Variants in C2CD3 observed in about 807,000 individuals in gnomAD.
C2CD3 encodes C2 domain-containing protein 3.
Under a neutral mutation model 234.0 loss-of-function variants are expected in C2CD3, and 148 were observed. The observed-to-expected ratio is 0.63, with a 90% CI of 0.55 to 0.72. The LOEUF (loss-of-function observed/expected upper bound fraction) is 0.72. Ranked by LOEUF, C2CD3 falls within the 30% of genes least tolerant of loss-of-function variation. C2CD3 has a pLI of 0.00. For missense variants in C2CD3, 2,577 were observed against 2,811.5 expected (o/e 0.92, Z 1.89); for synonymous variants, 1,000 against 1,035.4 (o/e 0.97, Z 0.66).
At chr11:74,057,009 AC>A (rs78606047) in intron 25 of C2CD3, among the ~76,000 whole-genome samples, 3,606 of 145,972 alleles carry the variant, frequency 0.025, 99 homozygotes, top group East Asian at 0.12. Context: ...CTCCAATGCC[AC>A]CCCTCCCCTC....
At chr11:74,032,338 A>C (rs1441157418) in intron 31 of C2CD3, among the ~76,000 whole-genome samples, 3 of 152,168 alleles carry the variant, frequency 2.0e-5, no homozygotes, top group African/African-American at 7.2e-5. Flanking sequence ...CAGCCGTACA[A>C]TATTCCCTGC....
At chr11:74,036,912 TG>T (rs1216938599) in intron 30 of C2CD3, among the ~76,000 whole-genome samples, 4 of 152,186 alleles carry the variant, frequency 2.6e-5, no homozygotes, top group African/African-American at 7.2e-5. Flanking sequence ...AGCCTGGGCA[TG>T]GGGTTTTTTA....
At chr11:74,080,035 C>T (rs112179834) in intron 22 of C2CD3, among the ~76,000 whole-genome samples, 70 of 152,164 alleles carry the variant, frequency 4.6e-4, no homozygotes, top group African/African-American at 1.5e-3. Flanking sequence ...TAAAAGTTTA[C>T]ATAAATAGGC....
At chr11:74,060,737 T>C (rs1246661757) in intron 24 of C2CD3, among the ~76,000 whole-genome samples, 1 of 152,196 alleles carries the variant, frequency 6.6e-6, no homozygotes, top group African/African-American at 2.4e-5. Context: ...AACACAGCTC[T>C]TCGCCAGCAA....
rs1445193474 is a variant in C2CD3, at chr11:74,078,234, C to T, written c.4484G>A (p.Trp1495Ter). 3.1e-6 allele frequency: 5 copies of T among 1,614,022 alleles called. No homozygotes were observed. The highest frequency in any genetic ancestry group is 8.5e-7 in the Non-Finnish European group (1 of 1,180,032). Residue 1495 changes from tryptophan (W) to a stop codon, truncating the protein, a stop_gained, in exon 23 of 33, where the codon TGG becomes TAG. Coordinates refer to ENST00000334126, the MANE Select transcript of C2CD3 (RefSeq NM_001286577.2). LOFTEE classifies it high-confidence loss of function. ...FREERLEIQV[W>*]RAYGNDSVER... is the part of the protein sequence containing the mutation. Reference sequence around the variant, plus strand: ...CACACTGTCATTGCCATAAGCTCGCCACACTTGGATCTCTAGCCTCTCCTC... The same window carrying T: ...CACACTGTCATTGCCATAAGCTCGCTACACTTGGATCTCTAGCCTCTCCTC...
chr11:74,043,022 A>G (rs1361173998), intron 28 of C2CD3, among the ~76,000 whole-genome samples: 1 of 152,224 alleles, frequency 6.6e-6, no homozygotes, highest in African/African-American at 2.4e-5. Context: ...CACATGCCAT[A>G]CAATTCACCT....
chr11:74,020,931 G>A (rs1260511714), intron 32 of C2CD3, among the ~76,000 whole-genome samples: 1 of 152,218 alleles, frequency 6.6e-6, no homozygotes, highest in African/African-American at 2.4e-5. Context: ...AATGGGTTGT[G>A]AGGAGCAAGG....
chr11:74,129,860 G>T (rs1038227803), intron 7 of C2CD3: 84 of 98,356 alleles, frequency 8.5e-4, no homozygotes, highest in Admixed American at 1.5e-3. Flanking sequence ...ATCACTCGCG[G>T]TTAGGAGCTG....
intron 32 of C2CD3, among the ~76,000 whole-genome samples, chr11:74,014,765 C>T (rs1591248208): frequency 6.6e-6 from 1 of 152,206 alleles, no homozygotes; most frequent in African/African-American, 2.4e-5. Context: ...TCAGGCATCC[C>T]TGATCTACTG....
intron 3 of C2CD3, among the ~76,000 whole-genome samples, chr11:74,148,921 G>C (rs1479888700): frequency 6.6e-6 from 1 of 151,944 alleles, no homozygotes; most frequent in African/African-American, 2.4e-5. Flanking sequence ...TCTTTTTAAA[G>C]TATCAAAATT....
At chr11:74,137,712 G>A (rs1212617156) in intron 5 of C2CD3, among the ~76,000 whole-genome samples, 4 of 151,816 alleles carry the variant, frequency 2.6e-5, no homozygotes, top group African/African-American at 7.3e-5. Flanking sequence ...AGCCTCCTGA[G>A]TAGTTGGGAC....
At chr11:74,035,928 T>G (rs1307818541) in intron 30 of C2CD3, among the ~76,000 whole-genome samples, 1 of 152,072 alleles carries the variant, frequency 6.6e-6, no homozygotes, top group Non-Finnish European at 1.5e-5. Context: ...TGGAACAATC[T>G]CGGCTCACTG....
chr11:74,056,770 A>G (rs1953967956), intron 25 of C2CD3, among the ~76,000 whole-genome samples: 1 of 152,182 alleles, frequency 6.6e-6, no homozygotes, highest in Non-Finnish European at 1.5e-5. Flanking sequence ...CATCTGGATA[A>G]CTTATATACA....
Position 74,035,866 on chromosome 11 carries a change from T to TG in C2CD3, c.5882-1589_5882-1588insC, listed in dbSNP as rs371037570. On this transcript the variant is annotated intron_variant, in intron 30 of 32. Coordinates refer to ENST00000334126, the MANE Select transcript of C2CD3 (RefSeq NM_001286577.2). ...GGCCCCACAGCTTCAATTCTTTTTT[T>TG]TTTGTTTGTTTTGAGTCAGAGTCTT... Among the ~76,000 whole-genome samples, 438 of 152,230 alleles carry TG rather than the reference T, an allele frequency of 2.9e-3. 2 individuals are homozygous for TG. The highest frequency in any genetic ancestry group is 9.7e-3 in the African/African-American group (404 of 41,498).
rs778310851 is a variant in C2CD3 at position 74,049,533 on chromosome 11, C to A, written c.5165G>T (p.Arg1722Met). The change falls in exon 27 of 33, where the codon AGG (arginine) becomes ATG (methionine). Residue 1722 changes from arginine (R) to methionine (M), a missense_variant. By Grantham distance (91) the Arg-to-Met change is moderately conservative (BLOSUM62 -1). Transcript: ENST00000334126. ...GTCCACCGAGGCAAAGCCAATCACC[C>A]TCTCCTCATCTGTAGAGGAAAGAGA... ...FKVWHKGDEERVIGFASVDLS... is the reference protein window; with the variant it reads ...FKVWHKGDEEMVIGFASVDLS... The A allele has an allele frequency of 1.2e-6, 2 of 1,611,930 alleles. No individual in the cohort carries two copies. Among genetic ancestry groups the A allele is most frequent in the Non-Finnish European group, 1.7e-6 (2 of 1,179,788 alleles).
rs147639769 is a variant in C2CD3 at position 74,078,182 on chromosome 11, C to T, written c.4536G>A (p.Trp1512Ter). ...CCAGGTCCACATAGGCTGAGCCAAT[C>T]CAGCTGTCTGTCTGATGGGGTCTCT... is the stretch of plus-strand genomic sequence containing the variant. ...SVERPHQTDS[W>*]IGSAYVDLAR... The change falls in exon 23 of 33, where the codon TGG becomes TGA. Residue 1512 changes from tryptophan to a stop codon, truncating the protein, a stop_gained. Coordinates refer to ENST00000334126, the MANE Select transcript of C2CD3 (RefSeq NM_001286577.2). LOFTEE classifies it high-confidence loss of function. 3 of 1,613,936 alleles carry T rather than the reference C, an allele frequency of 1.9e-6. No homozygotes were observed. The highest frequency in any genetic ancestry group is 2.5e-6 in the Non-Finnish European group (3 of 1,180,018).
chr11:74,139,571 T>A (rs774947868), intron 4 of C2CD3, 34 bp downstream of exon 4: 109 of 1,387,178 alleles, frequency 7.9e-5, no homozygotes, highest in Non-Finnish European at 1.1e-4. Context: ...TGCAGTTAAC[T>A]GACAGATTGA....
chr11:74,170,921 G>A lies in C2CD3; in HGVS notation c.-129C>T. On this transcript the variant is annotated 5_prime_UTR_variant, in exon 1 of 33. Coordinates refer to ENST00000334126, the MANE Select transcript of C2CD3 (RefSeq NM_001286577.2). ...CGCCGCTGGGCAGCCTGGGAGGCAG[G>A]AAAAAGCGACTCTTCCTCTAACAGT... 4.3e-6 allele frequency: 5 copies of A among 1,150,598 alleles called. No homozygotes were observed. Among genetic ancestry groups the A allele is most frequent in the Non-Finnish European group, 3.5e-6 (3 of 854,092 alleles). The allele number at this position is 1,150,598 out of a possible 1,614,324, so 71.3% of individuals were successfully genotyped here.
intron 28 of C2CD3, among the ~76,000 whole-genome samples, chr11:74,043,151 A>C (rs906952888): frequency 6.6e-6 from 1 of 152,238 alleles, no homozygotes; most frequent in Non-Finnish European, 1.5e-5. Context: ...GAACCATTCT[A>C]CATTTCCTGG....
Sources: allele counts gnomAD v4.1 joint callset (sites outside exome capture counted in the v4.1 genomes callset), GRCh38; gene constraint gnomAD v4.1.1; transcripts MANE v1.5; gene names NCBI Gene and HGNC (gene_info 2026-07-23, HGNC 2026-07-21).